SAMD3: variants seen among roughly 807,000 people sequenced by gnomAD.
The protein encoded by SAMD3 is sterile alpha motif domain-containing protein 3.
Under a neutral mutation model 58.5 loss-of-function variants are expected in SAMD3, and 63 were observed. That is an observed-to-expected ratio of 1.08 (90% CI 0.88 to 1.33). SAMD3 has a LOEUF of 1.33. Among genes scored for constraint, SAMD3 ranks in the 40% most tolerant of loss-of-function variants. SAMD3 has a pLI of 0.00. For missense variants in SAMD3, 604 were observed against 608.4 expected, an observed-to-expected ratio of 0.99 and a Z score of 0.08; for synonymous variants, 220 against 210.3, an observed-to-expected ratio of 1.05 and a Z score of -0.40.
intron 2 of SAMD3, among the ~76,000 whole-genome samples, chr6:130,234,673 G>A (rs1401345271): frequency 2.0e-5 from 3 of 152,182 alleles, no homozygotes; most frequent in African/African-American, 7.2e-5. Flanking sequence ...GCTCTGTTCA[G>A]AGTTCAGCCT....
chr6:130,265,630 T>C (rs949863467), intron 2 of SAMD3, among the ~76,000 whole-genome samples: 55 of 152,148 alleles, frequency 3.6e-4, no homozygotes, highest in Admixed American at 3.6e-3. Flanking sequence ...CTATACAAGG[T>C]ATGTAGCCCA....
chr6:130,163,294 A>G (rs901847864), intron 8 of SAMD3, among the ~76,000 whole-genome samples: 6 of 152,256 alleles, frequency 3.9e-5, no homozygotes, highest in African/African-American at 1.4e-4. Context: ...CTAGAAAATT[A>G]AAAACTACAT....
chr6:130,183,550 ATG>A, intron 7 of SAMD3: 1 of 382,898 alleles, frequency 2.6e-6, no homozygotes, highest in Middle Eastern at 6.4e-4. Context: ...TTCTCTTTCT[ATG>A]TGTCACATCT....
intron 9 of SAMD3, among the ~76,000 whole-genome samples, chr6:130,154,521 C>G (rs1216313581): frequency 6.6e-6 from 1 of 151,324 alleles, no homozygotes; most frequent in Non-Finnish European, 1.5e-5. Context: ...TGGTGAAACC[C>G]CATCTCTACT....
chr6:130,323,019 CA>C (rs1335488504), intron 1 of SAMD3, among the ~76,000 whole-genome samples: 2 of 152,220 alleles, frequency 1.3e-5, no homozygotes, highest in East Asian at 3.9e-4. Flanking sequence ...GACTATCATG[CA>C]AAGGCCATTG....
chr6:130,153,567 T>C (rs2114578020), intron 9 of SAMD3, among the ~76,000 whole-genome samples: 2 of 150,288 alleles, frequency 1.3e-5, no homozygotes, highest in Middle Eastern at 6.9e-3. Flanking sequence ...AAAATTACAC[T>C]AAAATTGTGA....
chr6:130,255,808 TA>T (rs1402600694), intron 2 of SAMD3, among the ~76,000 whole-genome samples: 6 of 151,688 alleles, frequency 4.0e-5, no homozygotes, highest in African/African-American at 7.3e-5. Flanking sequence ...TCTATATTAT[TA>T]AAAGTAAAGT....
chr6:130,165,420 C>T (rs1346085578), intron 8 of SAMD3, among the ~76,000 whole-genome samples: 1 of 151,940 alleles, frequency 6.6e-6, no homozygotes, highest in Non-Finnish European at 1.5e-5. Context: ...AACAAAAAAA[C>T]ACAGAGATAA....
At chr6:130,293,352 G>T (rs956068656) in intron 2 of SAMD3, among the ~76,000 whole-genome samples, 4 of 152,116 alleles carry the variant, frequency 2.6e-5, no homozygotes, top group African/African-American at 7.2e-5. Context: ...TTGATGAAAA[G>T]CTCACAAGTA....
At chr6:130,257,867 A>G (rs1049521925) in intron 2 of SAMD3, among the ~76,000 whole-genome samples, 4 of 152,120 alleles carry the variant, frequency 2.6e-5, no homozygotes, top group African/African-American at 9.7e-5. Flanking sequence ...GGTAAACACT[A>G]TTCTGTCTTG....
At chr6:130,346,831 A>AG (rs1379928850) in intron 1 of SAMD3, among the ~76,000 whole-genome samples, 5 of 152,182 alleles carry the variant, frequency 3.3e-5, no homozygotes, top group African/African-American at 1.2e-4. Flanking sequence ...GCACCCCCCC[A>AG]GTAGGGGTGG....
chr6:130,172,391 A>G (rs920972723), intron 8 of SAMD3, among the ~76,000 whole-genome samples: 2 of 152,148 alleles, frequency 1.3e-5, no homozygotes, highest in Admixed American at 1.3e-4. Context: ...GCTCTTGTAA[A>G]GCAGGCCCAG....
intron 2 of SAMD3, among the ~76,000 whole-genome samples, chr6:130,278,501 A>T (rs888834199): frequency 5.3e-5 from 8 of 152,190 alleles, no homozygotes; most frequent in Admixed American, 2.6e-4. Flanking sequence ...TTTCTTATTC[A>T]TACAATTTCC....
At chr6:130,343,885 A>T (rs1777353461) in intron 1 of SAMD3, among the ~76,000 whole-genome samples, 1 of 152,044 alleles carries the variant, frequency 6.6e-6, no homozygotes, top group Non-Finnish European at 1.5e-5. Context: ...GAATCGCTTG[A>T]ACCGGGGAGG....
Position 130,243,477 on chromosome 6 carries a change from G to T in SAMD3, c.-187-20664C>A, listed in dbSNP as rs551669907. ...ACTGACATCTAAAGTACCAGATGCT[G>T]TGTATTCCTCAAATATTATTTCACT... On this transcript the variant is annotated intron_variant, in intron 2 of 13. Coordinates refer to the SAMD3 transcript ENST00000368134. 2.6e-5 allele frequency among the ~76,000 whole-genome samples: 4 copies of T among 152,306 alleles called. No homozygotes were observed. In the South Asian group the frequency reaches 8.3e-4, roughly 32 times the overall value.
Position 130,335,810 on chromosome 6 carries a change from T to G in SAMD3, c.-303-22717A>C, listed in dbSNP as rs1777082143. Among the ~76,000 whole-genome samples, 6 of 152,106 alleles carry G rather than the reference T, an allele frequency of 3.9e-5. No homozygotes were observed. In the South Asian group the frequency reaches 1.2e-3, roughly 32 times the overall value. On this transcript the variant is annotated intron_variant, in intron 1 of 13. Transcript: ENST00000368134. ...CTGGATTAAGAAAATGTGGCACATATGCACCATGGAATACTATGCAGCCAT... is the reference window on the plus strand; with the variant it reads ...CTGGATTAAGAAAATGTGGCACATAGGCACCATGGAATACTATGCAGCCAT...
At chr6:130,351,462 A>G (rs952273180) in intron 1 of SAMD3, among the ~76,000 whole-genome samples, 2 of 152,256 alleles carry the variant, frequency 1.3e-5, no homozygotes, top group Non-Finnish European at 2.9e-5. Context: ...TGCAGCCAAA[A>G]GACACACGAA....
intron 1 of SAMD3, among the ~76,000 whole-genome samples, chr6:130,363,952 G>A (rs1022244120): frequency 4.6e-5 from 7 of 152,132 alleles, no homozygotes; most frequent in Non-Finnish European, 8.8e-5. Context: ...GAAGATATTG[G>A]CCATTAGTAA....
chr6:130,328,847 T>G (rs1776836319), intron 1 of SAMD3, among the ~76,000 whole-genome samples: 1 of 152,212 alleles, frequency 6.6e-6, no homozygotes, highest in Admixed American at 6.5e-5. Context: ...GGATCCAAAG[T>G]AGATAGTTGT....
Sources: allele counts gnomAD v4.1 joint callset (sites outside exome capture counted in the v4.1 genomes callset), GRCh38; gene constraint gnomAD v4.1.1; transcripts MANE v1.5; gene names NCBI Gene and HGNC (gene_info 2026-07-23, HGNC 2026-07-21).